The following SHB variants were observed in gnomAD, a reference collection of about 807,000 sequenced individuals.
The protein encoded by SHB is SH2 domain-containing adapter protein B.
A neutral mutation model predicts 52.3 loss-of-function variants in SHB; 20 were observed. The observed-to-expected ratio is 0.38, with a 90% CI of 0.27 to 0.56. The LOEUF is 0.56. Among genes scored for constraint, SHB ranks in the 20% least tolerant of loss-of-function variants. The probability of loss-of-function intolerance (pLI) is 0.71; values close to 1 mark genes in which losing one functional copy is unlikely to be tolerated. For missense variants in SHB, 825 were observed against 723.3 expected (o/e 1.14, Z -1.61); for synonymous variants, 397 against 316.5 (o/e 1.25, Z -2.70).
At chr9:38,049,286 G>A (rs1336985089) in intron 1 of SHB, among the ~76,000 whole-genome samples, 5 of 152,176 alleles carry the variant, frequency 3.3e-5, no homozygotes, top group Admixed American at 1.3e-4. Context: ...TGGGATTACA[G>A]GTGTGAGAGC....
rs565488495 is a variant in SHB at position 37,959,788 on chromosome 9, G to A, written c.1055-3734C>T. On this transcript the variant is annotated intron_variant, in intron 3 of 5. Coordinates refer to ENST00000377707, the MANE Select transcript of SHB (RefSeq NM_003028.3). ...GTCACCTATTTCAGGAAGCCTTCCT[G>A]GACCTCACCTCTCCCAAGACTCACC... Among the ~76,000 whole-genome samples the A allele has an allele frequency of 5.3e-5, 8 of 152,174 alleles. 1 individual carries two copies. The East Asian group carries it at 1.6e-3, about 30-fold the overall frequency.
intron 1 of SHB, among the ~76,000 whole-genome samples, chr9:38,049,247 G>A (rs1253312574): frequency 6.6e-6 from 1 of 152,174 alleles, no homozygotes; most frequent in Non-Finnish European, 1.5e-5. Flanking sequence ...GGGCTCAAGC[G>A]ATCCTCCTGC....
intron 2 of SHB, among the ~76,000 whole-genome samples, chr9:38,008,670 A>G (rs1821101683): frequency 6.6e-6 from 1 of 152,142 alleles, no homozygotes; most frequent in South Asian, 2.1e-4. Flanking sequence ...CAGGAAGCCT[A>G]TATGGGGCCA....
chr9:37,974,072 T>C (rs926701259), intron 3 of SHB, among the ~76,000 whole-genome samples: 1 of 152,076 alleles, frequency 6.6e-6, no homozygotes, highest in South Asian at 2.1e-4. Context: ...CTGGCCAACA[T>C]AGTGAAACCC....
At chr9:38,001,925 C>T (rs1036029049) in intron 2 of SHB, among the ~76,000 whole-genome samples, 10 of 152,186 alleles carry the variant, frequency 6.6e-5, no homozygotes, top group African/African-American at 2.4e-4. Flanking sequence ...CCAGAGAGCA[C>T]GAGTGGTGGT....
rs576307877 is a variant in SHB at position 38,051,781 on chromosome 9, C to T, written c.717+16148G>A. Among the ~76,000 whole-genome samples, 63 of 152,288 alleles carry T rather than the reference C, an allele frequency of 4.1e-4. 1 individual carries two copies. Among genetic ancestry groups the T allele is most frequent in the Middle Eastern group, 6.8e-3 (2 of 294 alleles). The stretch of plus-strand genomic sequence containing the variant: ...TCTGAGCCTGTAAAGCGAGCTCTGC[C>T]GGTCAGAGTGGCCCTCTGATGGAGT... On this transcript the variant is annotated intron_variant, in intron 1 of 5. Coordinates refer to ENST00000377707, the MANE Select transcript of SHB (RefSeq NM_003028.3).
intron 1 of SHB, among the ~76,000 whole-genome samples, chr9:38,060,295 C>G (rs1821876209): frequency 6.6e-6 from 1 of 152,184 alleles, no homozygotes; most frequent in South Asian, 2.1e-4. Flanking sequence ...CCACCTCAGC[C>G]TCCCAAGTAG....
At position 37,937,416 on chromosome 9, in the gene SHB, C is replaced by T. The variant is rs540182211; in HGVS notation, c.1346+11219G>A. Among the ~76,000 whole-genome samples the T allele has an allele frequency of 1.3e-4, 19 of 151,960 alleles. No homozygotes were observed. In the South Asian group the frequency reaches 3.9e-3, roughly 32 times the overall value. On this transcript the variant is annotated intron_variant, in intron 5 of 5. Transcript: ENST00000377707. ...TTGGAATAAGCTAGCTTTGCCAAAC[C>T]CAATTGTTTCTGATATTCCTCTTGG...
chr9:38,051,157 G>C (rs1184102828), intron 1 of SHB, among the ~76,000 whole-genome samples: 1 of 151,986 alleles, frequency 6.6e-6, no homozygotes, highest in African/African-American at 2.4e-5. Context: ...CAAAATTCAA[G>C]GCAGGCCAGG....
At chr9:38,017,240 C>T (rs902718979) in intron 1 of SHB, among the ~76,000 whole-genome samples, 5 of 152,240 alleles carry the variant, frequency 3.3e-5, no homozygotes, top group Non-Finnish European at 7.3e-5. Flanking sequence ...CCCTCAGCTC[C>T]TCAGCCAGTG....
chr9:37,951,037 C>T (rs1832560845), intron 4 of SHB, among the ~76,000 whole-genome samples: 1 of 152,240 alleles, frequency 6.6e-6, no homozygotes, highest in Non-Finnish European at 1.5e-5. Context: ...CCACCCGTCC[C>T]CATGCAATTC....
intron 2 of SHB, among the ~76,000 whole-genome samples, chr9:37,988,573 C>CAAG (rs1820839513): frequency 6.6e-6 from 1 of 152,114 alleles, no homozygotes; most frequent in Non-Finnish European, 1.5e-5. Context: ...CTACATGCAA[C>CAAG]AAGAACTCTG....
chr9:37,948,804 T>G, intron 4 of SHB, 50 bp from the exon 5 acceptor site: 1 of 1,609,334 alleles, frequency 6.2e-7, no homozygotes, highest in Non-Finnish European at 8.5e-7. Flanking sequence ...GGGATTCCCA[T>G]GGCCCTGACC....
intron 3 of SHB, among the ~76,000 whole-genome samples, chr9:37,960,059 C>T (rs1292548706): frequency 1.3e-5 from 2 of 152,220 alleles, no homozygotes; most frequent in East Asian, 3.9e-4. Context: ...AATGTAATTC[C>T]CCACTGAAAT....
At chr9:38,045,888 G>A (rs1197284620) in intron 1 of SHB, among the ~76,000 whole-genome samples, 1 of 152,126 alleles carries the variant, frequency 6.6e-6, no homozygotes, top group African/African-American at 2.4e-5. Context: ...GTCAAAATGG[G>A]TATGTATAAA....
Position 38,044,906 on chromosome 9 carries a change from G to A in SHB, c.717+23023C>T, listed in dbSNP as rs766358758. Among the ~76,000 whole-genome samples the A allele has an allele frequency of 9.2e-5, 14 of 152,230 alleles. No individual in the cohort carries two copies. The South Asian group carries it at 1.4e-3, about 16-fold the overall frequency. ...TGGTGTGACTGCTTCCGCCAGAGGT[G>A]TGGACATGTGTACACAGAGGAGGGA... On this transcript the variant is annotated intron_variant, in intron 1 of 5. Transcript: ENST00000377707.
intron 2 of SHB, among the ~76,000 whole-genome samples, chr9:38,005,233 T>C (rs1240538156): frequency 6.6e-6 from 1 of 152,226 alleles, no homozygotes; most frequent in Non-Finnish European, 1.5e-5. Context: ...AGACGGCCCC[T>C]CTTTCGGTGC....
At chr9:38,045,126 T>A (rs1587261591) in intron 1 of SHB, among the ~76,000 whole-genome samples, 1 of 152,112 alleles carries the variant, frequency 6.6e-6, no homozygotes, top group Non-Finnish European at 1.5e-5. Context: ...TTCCAAGAGG[T>A]AAGGGTCAGC....
chr9:37,978,347 C>T (rs1278958673), intron 2 of SHB, among the ~76,000 whole-genome samples: 4 of 152,122 alleles, frequency 2.6e-5, no homozygotes, highest in Non-Finnish European at 5.9e-5. Context: ...GATGTTATAA[C>T]GGTAATCATT....
Sources: allele counts gnomAD v4.1 joint callset (sites outside exome capture counted in the v4.1 genomes callset), GRCh38; gene constraint gnomAD v4.1.1; transcripts MANE v1.5; gene names NCBI Gene and HGNC (gene_info 2026-07-23, HGNC 2026-07-21).